The following HS6ST3 variants were observed in gnomAD, a reference collection of about 807,000 sequenced individuals.
HS6ST3 encodes the protein heparan-sulfate 6-O-sulfotransferase 3.
HS6ST3 carries 12 observed loss-of-function variants against 36.7 expected under a neutral mutation model. That is an observed-to-expected ratio of 0.33 (90% CI 0.21 to 0.53). The LOEUF (loss-of-function observed/expected upper bound fraction) is 0.53, where lower values mean the gene tolerates loss of function less well. HS6ST3 is among the 20% of genes least tolerant of loss of function. The probability of loss-of-function intolerance (pLI) is 0.95; values close to 1 mark genes in which losing one functional copy is unlikely to be tolerated. For synonymous variants in HS6ST3, 240 were observed against 257.5 expected (o/e 0.93, Z 0.65); for missense variants, 584 against 640.9 (o/e 0.91, Z 0.96).
intron 1 of HS6ST3, among the ~76,000 whole-genome samples, chr13:96,429,769 G>A (rs779780853): frequency 5.9e-5 from 9 of 152,152 alleles, no homozygotes; most frequent in South Asian, 2.1e-4. Context: ...CTGTAGGTTC[G>A]ATAGAAAATT....
intron 1 of HS6ST3, among the ~76,000 whole-genome samples, chr13:96,446,156 G>C (rs1240861878): frequency 1.3e-5 from 2 of 148,604 alleles, no homozygotes; most frequent in East Asian, 2.0e-4. Context: ...CTGGGCGACA[G>C]AGCAAGACTC....
chr13:96,412,151 C>T (rs752658079), intron 1 of HS6ST3, among the ~76,000 whole-genome samples: 19 of 152,008 alleles, frequency 1.2e-4, no homozygotes, highest in Non-Finnish European at 2.6e-4. Flanking sequence ...ACTACAGGCA[C>T]GCACCACCAC....
intron 1 of HS6ST3, among the ~76,000 whole-genome samples, chr13:96,187,214 G>A (rs1385683880): frequency 6.6e-6 from 1 of 152,136 alleles, no homozygotes; most frequent in African/African-American, 2.4e-5. Context: ...TCTGCATTCT[G>A]TTCACTTTGC....
At chr13:96,530,724 C>A (rs1788507238) in intron 1 of HS6ST3, among the ~76,000 whole-genome samples, 1 of 152,176 alleles carries the variant, frequency 6.6e-6, no homozygotes, top group Non-Finnish European at 1.5e-5. Context: ...TCCCTCCATT[C>A]TATTTCCAGC....
intron 1 of HS6ST3, among the ~76,000 whole-genome samples, chr13:96,293,848 A>G (rs11618119): frequency 0.096 from 14,567 of 152,134 alleles, 785 homozygotes; most frequent in Middle Eastern, 0.15. Context: ...AAGCCACATC[A>G]TCTCATAGGA....
At chr13:96,170,049 T>C (rs1048971407) in intron 1 of HS6ST3, among the ~76,000 whole-genome samples, 2 of 152,182 alleles carry the variant, frequency 1.3e-5, no homozygotes, top group Admixed American at 1.3e-4. Flanking sequence ...ATGATAAAAA[T>C]AAACCACCTG....
intron 1 of HS6ST3, among the ~76,000 whole-genome samples, chr13:96,579,782 G>T (rs1304385922): frequency 6.6e-6 from 1 of 152,168 alleles, no homozygotes; most frequent in East Asian, 1.9e-4. Flanking sequence ...GTGAGTCACT[G>T]TTTGGGGTTG....
chr13:96,506,732 A>G (rs767122103), intron 1 of HS6ST3, among the ~76,000 whole-genome samples: 1 of 152,150 alleles, frequency 6.6e-6, no homozygotes, highest in African/African-American at 2.4e-5. Context: ...CAGGTTATCC[A>G]TATGCTGGCA....
intron 1 of HS6ST3, among the ~76,000 whole-genome samples, chr13:96,501,541 G>C (rs1381641426): frequency 1.3e-5 from 2 of 152,204 alleles, no homozygotes; most frequent in African/African-American, 4.8e-5. Context: ...TCATAGGGCA[G>C]TTGTGAGGAT....
chr13:96,501,989 T>C (rs1304073637), intron 1 of HS6ST3, among the ~76,000 whole-genome samples: 6 of 152,230 alleles, frequency 3.9e-5, no homozygotes, highest in Admixed American at 3.9e-4. Flanking sequence ...CTTCTCTCTT[T>C]AGACCTATAG....
intron 1 of HS6ST3, among the ~76,000 whole-genome samples, chr13:96,201,830 T>C (rs1314618683): frequency 6.6e-6 from 1 of 152,206 alleles, no homozygotes; most frequent in Non-Finnish European, 1.5e-5. Context: ...TATATAGTCA[T>C]TGAACTTGTT....
intron 1 of HS6ST3, among the ~76,000 whole-genome samples, chr13:96,829,702 T>C (rs1191771296): frequency 6.6e-6 from 1 of 152,224 alleles, no homozygotes; most frequent in Admixed American, 6.5e-5. Flanking sequence ...TGTGTATATA[T>C]ACCACATTTT....
rs141170489 is a variant in HS6ST3, at chr13:96,295,757, G to C, written c.707+204188G>C. On this transcript the variant is annotated intron_variant, in intron 1 of 1. Coordinates refer to ENST00000376705, the MANE Select transcript of HS6ST3 (RefSeq NM_153456.4). ...AATGGAAAGCATCAGCATACACTAC[G>C]TTAACAAGGATGTCTGATGTTAGCT... 7.2e-4 allele frequency among the ~76,000 whole-genome samples: 110 copies of C among 152,202 alleles called. 2 individuals carry two copies. The highest frequency in any genetic ancestry group is 2.5e-3 in the African/African-American group (105 of 41,562).
intron 1 of HS6ST3, among the ~76,000 whole-genome samples, chr13:96,437,056 G>A (rs1411460413): frequency 1.3e-5 from 2 of 152,124 alleles, no homozygotes; most frequent in African/African-American, 4.8e-5. Flanking sequence ...CTAGAAGGCT[G>A]TAGTAGCTAC....
intron 1 of HS6ST3, among the ~76,000 whole-genome samples, chr13:96,728,672 G>A (rs1163890198): frequency 6.6e-6 from 1 of 152,066 alleles, no homozygotes; most frequent in Non-Finnish European, 1.5e-5. Flanking sequence ...AATGTAGAAA[G>A]GCATTATCTT....
At chr13:96,771,391 G>A (rs535858965) in intron 1 of HS6ST3, among the ~76,000 whole-genome samples, 5 of 152,082 alleles carry the variant, frequency 3.3e-5, no homozygotes, top group African/African-American at 1.2e-4. Flanking sequence ...TGCACGTTGT[G>A]CACATGTACC....
At chr13:96,432,512 G>T (rs1442020891) in intron 1 of HS6ST3, among the ~76,000 whole-genome samples, 1 of 152,136 alleles carries the variant, frequency 6.6e-6, no homozygotes, top group Non-Finnish European at 1.5e-5. Context: ...TATCACTGGA[G>T]TTATTTACTG....
intron 1 of HS6ST3, among the ~76,000 whole-genome samples, chr13:96,200,769 T>C (rs2054337947): frequency 6.6e-6 from 1 of 152,214 alleles, no homozygotes; most frequent in African/African-American, 2.4e-5. Context: ...GGCTACAGAA[T>C]ATACCTTACA....
intron 1 of HS6ST3, among the ~76,000 whole-genome samples, chr13:96,541,493 A>C (rs1018925789): frequency 3.9e-5 from 6 of 152,190 alleles, no homozygotes; most frequent in Non-Finnish European, 8.8e-5. Flanking sequence ...TAAGAGTTTC[A>C]GTTCTTCCTG....
Sources: gnomAD v4.1 joint callset for allele counts (sites outside exome capture counted in the v4.1 genomes callset) on GRCh38, gnomAD v4.1.1 for gene constraint, MANE v1.5 for transcripts, NCBI Gene and HGNC (gene_info 2026-07-23, HGNC 2026-07-21) for gene names.